The following RAI1 variants were observed in gnomAD, a reference collection of about 807,000 sequenced individuals.
The protein encoded by RAI1 is retinoic acid-induced protein 1.
A neutral mutation model predicts 123.8 loss-of-function variants in RAI1; 9 were observed. The observed-to-expected ratio is 0.07, with a 90% CI of 0.04 to 0.13. RAI1 has a LOEUF of 0.13. Among genes scored for constraint, RAI1 ranks in the 10% least tolerant of loss-of-function variants. The probability of loss-of-function intolerance (pLI) is 1.00; values close to 1 mark genes in which losing one functional copy is unlikely to be tolerated. For missense variants in RAI1, 2,256 were observed against 2,545.8 expected (o/e 0.89, Z 2.45); for synonymous variants, 1,231 against 1,127.3 (o/e 1.09, Z -1.84).
At chr17:17,689,936 GC>G (rs1328769341) in intron 1 of RAI1, among the ~76,000 whole-genome samples, 1 of 152,114 alleles carries the variant, frequency 6.6e-6, no homozygotes, top group Non-Finnish European at 1.5e-5. Flanking sequence ...GGGTGCCAAA[GC>G]CCCCCAACTC....
chr17:17,730,427 G>A lies in RAI1; in HGVS notation c.-17+6268G>A, dbSNP rs192047505. 7.5e-3 allele frequency among the ~76,000 whole-genome samples: 1,139 copies of A among 152,370 alleles called. 6 individuals carry two copies. The highest frequency in any genetic ancestry group is 0.012 in the Non-Finnish European group (814 of 68,022). ...TTGTGGTGGCTGCCTGGCCCTCATGGGGCGCGGTAGCTCAGCTCTGCCAGG... is the reference window on the plus strand; with the variant it reads ...TTGTGGTGGCTGCCTGGCCCTCATGAGGCGCGGTAGCTCAGCTCTGCCAGG... On this transcript the variant is annotated intron_variant, in intron 2 of 5. Coordinates refer to ENST00000353383, the MANE Select transcript of RAI1 (RefSeq NM_030665.4).
At chr17:17,738,232 G>A (rs940346056) in intron 2 of RAI1, among the ~76,000 whole-genome samples, 2 of 148,118 alleles carry the variant, frequency 1.4e-5, no homozygotes, top group Non-Finnish European at 3.0e-5. Flanking sequence ...GGCTAAGGTA[G>A]CATGAGGGAG....
At chr17:17,715,759 G>C (rs1915693207) in intron 1 of RAI1, among the ~76,000 whole-genome samples, 1 of 152,114 alleles carries the variant, frequency 6.6e-6, no homozygotes, top group South Asian at 2.1e-4. Context: ...GTTTCCCCTG[G>C]ACTCATTCTG....
chr17:17,800,611 ACAC>A lies in RAI1; in HGVS notation c.5565+2102_5565+2104del, dbSNP rs1490747626. On this transcript the variant is annotated intron_variant, in intron 3 of 5. Transcript: ENST00000353383. This position sits in a 1 kb window ranked among gnomAD's most constrained non-coding sequence, Gnocchi z 4.7. ...GTGTTGGAGAGGCGCTAGCTTCCCT[ACAC>A]CACGCGGGGGCTGGAACTTGCCAGC... 6.6e-6 allele frequency among the ~76,000 whole-genome samples: 1 copy of A among 152,182 alleles called. No homozygotes were observed. Among genetic ancestry groups the A allele is most frequent in the Non-Finnish European group, 1.5e-5 (1 of 68,020 alleles).
chr17:17,727,339 C>T (rs1263233776), intron 2 of RAI1, among the ~76,000 whole-genome samples: 2 of 152,250 alleles, frequency 1.3e-5, no homozygotes. Flanking sequence ...GGCTATGCAG[C>T]AGCGAAGACC....
At chr17:17,687,805 G>A (rs934282851) in intron 1 of RAI1, among the ~76,000 whole-genome samples, 8 of 151,998 alleles carry the variant, frequency 5.3e-5, no homozygotes, top group Admixed American at 2.0e-4. Flanking sequence ...CGAGGCAGGC[G>A]GATCACTTGA....
At chr17:17,710,403 G>A (rs1440082228) in intron 1 of RAI1, among the ~76,000 whole-genome samples, 4 of 152,178 alleles carry the variant, frequency 2.6e-5, no homozygotes, top group East Asian at 1.9e-4. Flanking sequence ...TTGCAGCTGC[G>A]GCCATGAGGA....
At chr17:17,792,398 C>T (rs1450051330) in intron 2 of RAI1, among the ~76,000 whole-genome samples, 1 of 152,180 alleles carries the variant, frequency 6.6e-6, no homozygotes, top group Non-Finnish European at 1.5e-5. Flanking sequence ...GGGGCAGACC[C>T]TCCTCAGTCC....
chr17:17,739,960 G>A lies in RAI1; in HGVS notation c.-17+15801G>A, dbSNP rs564876064. On this transcript the variant is annotated intron_variant, in intron 2 of 5. Transcript: ENST00000353383. Reference sequence around the variant, plus strand: ...AGCCGCTGAGCTAACATGACTCACCGCGTGGCAGCTCCCTCTCCCCACTGG... The same window carrying A: ...AGCCGCTGAGCTAACATGACTCACCACGTGGCAGCTCCCTCTCCCCACTGG... Among the ~76,000 whole-genome samples, 11 of 152,326 alleles carry A rather than the reference G, an allele frequency of 7.2e-5. No homozygotes were observed. In the East Asian group the frequency reaches 7.7e-4, roughly 11 times the overall value.
intron 2 of RAI1, among the ~76,000 whole-genome samples, chr17:17,789,047 C>T (rs2031925731): frequency 6.6e-6 from 1 of 152,220 alleles, no homozygotes; most frequent in Admixed American, 6.5e-5. Context: ...AGTGAGGACC[C>T]TGGCCTGAGG....
intron 1 of RAI1, among the ~76,000 whole-genome samples, chr17:17,713,184 C>T (rs1033569039): frequency 9.9e-5 from 15 of 152,172 alleles, no homozygotes; most frequent in East Asian, 7.7e-4. Context: ...AAGGCATGTC[C>T]AGATTTCTAA....
At position 17,794,259 on chromosome 17, in the gene RAI1, G is replaced by A. The variant is rs752493689; in HGVS notation, c.1311G>A (p.Ala437=). The part of the protein sequence containing the change: ...LSDLSLQSLT[A]LTSQVENISN... ...ATCTCAGCCTGCAGAGCCTCACGGC[G>A]CTGACCTCACAGGTGGAGAACATCT... is the stretch of plus-strand genomic sequence containing the variant. Residue 437 remains alanine, a synonymous_variant, in exon 3 of 6, where the codon GCG becomes GCA. Coordinates refer to ENST00000353383, the MANE Select transcript of RAI1 (RefSeq NM_030665.4). 1.9e-5 allele frequency: 31 copies of A among 1,613,158 alleles called. No individual in the cohort carries two copies. The highest frequency in any genetic ancestry group is 9.9e-5 in the South Asian group (9 of 91,086).
chr17:17,770,215 A>T (rs896653798), intron 2 of RAI1, among the ~76,000 whole-genome samples: 17 of 152,018 alleles, frequency 1.1e-4, no homozygotes, highest in African/African-American at 3.9e-4. Context: ...GGGTAGGGAG[A>T]CAGCCTGTCT....
rs1226841132 is a variant in RAI1, at chr17:17,801,758, C to T, written c.5566-1998C>T. Among the ~76,000 whole-genome samples the T allele has an allele frequency of 6.6e-6, 1 of 152,216 alleles. No homozygotes were observed. Among genetic ancestry groups the T allele is most frequent in the Non-Finnish European group, 1.5e-5 (1 of 68,040 alleles). ...AGCTGCTGTGGTTGGGATGGTGCGC[C>T]CACCCTGAGCATGTGGGGTCCTGTG... On this transcript the variant is annotated intron_variant, in intron 3 of 5. Coordinates refer to ENST00000353383, the MANE Select transcript of RAI1 (RefSeq NM_030665.4). The surrounding 1 kb of genome is among the most constrained non-coding windows in gnomAD (Gnocchi z 4.1).
In RAI1 at chr17:17,795,404, A is replaced by G. The variant is rs1375375167; in HGVS notation, c.2456A>G (p.Lys819Arg). 2.5e-6 allele frequency: 4 copies of G among 1,590,034 alleles called. No individual in the cohort carries two copies. The highest frequency in any genetic ancestry group is 3.4e-6 in the Non-Finnish European group (4 of 1,165,976). The change falls in exon 3 of 6, where the codon AAG becomes AGG. Residue 819 changes from lysine (K) to arginine (R), a missense_variant. Transcript: ENST00000353383. The surrounding 1 kb of genome is among the most constrained non-coding windows in gnomAD (Gnocchi z 5.9). ...DFKQEEVGGVKEEAGGLLQCP... is the reference protein window; with the variant it reads ...DFKQEEVGGVREEAGGLLQCP... ...AAGCAGGAGGAGGTGGGTGGGGTGA[A>G]GGAGGAGGCAGGTGGGCTGCTGCAG...
At chr17:17,739,155 G>A (rs573033348) in intron 2 of RAI1, among the ~76,000 whole-genome samples, 7 of 152,190 alleles carry the variant, frequency 4.6e-5, no homozygotes, top group Non-Finnish European at 1.0e-4. Context: ...ACACACTGGG[G>A]CAGCCACGTG....
chr17:17,741,088 C>T (rs1230186367), intron 2 of RAI1, among the ~76,000 whole-genome samples: 5 of 148,192 alleles, frequency 3.4e-5, no homozygotes, highest in Admixed American at 6.6e-5. Flanking sequence ...CACAAGCGCG[C>T]GCGCACACAC....
At chr17:17,761,054 A>G (rs1228560249) in intron 2 of RAI1, among the ~76,000 whole-genome samples, 1 of 152,162 alleles carries the variant, frequency 6.6e-6, no homozygotes, top group African/African-American at 2.4e-5. Flanking sequence ...GCCCCAGCTC[A>G]TTCACTTCCC....
At chr17:17,700,524 G>A (rs1325221674) in intron 1 of RAI1, among the ~76,000 whole-genome samples, 3 of 152,136 alleles carry the variant, frequency 2.0e-5, no homozygotes, top group African/African-American at 7.2e-5. Flanking sequence ...GCGAACGCGC[G>A]GGTTTAATTG....
Sources: allele counts gnomAD v4.1 joint callset (sites outside exome capture counted in the v4.1 genomes callset), GRCh38; gene constraint gnomAD v4.1.1; non-coding constraint Gnocchi (gnomAD v3.1); transcripts MANE v1.5; gene names NCBI Gene and HGNC (gene_info 2026-07-23, HGNC 2026-07-21).